DIP2B: variants seen among roughly 807,000 people sequenced by gnomAD.
DIP2B encodes DIP2 acetate--CoA ligase B (putative).
A neutral mutation model predicts 198.0 loss-of-function variants in DIP2B; 76 were observed. The ratio of observed to expected loss-of-function variants is 0.38; its 90% CI spans 0.32 to 0.46. The LOEUF (loss-of-function observed/expected upper bound fraction) is 0.46, where lower values mean the gene tolerates loss of function less well. DIP2B is among the 20% of genes least tolerant of loss of function. The pLI is 0.99. For missense variants in DIP2B, 1,559 were observed against 1,978.4 expected (o/e 0.79, Z 4.02); for synonymous variants, 701 against 739.1 (o/e 0.95, Z 0.84).
intron 3 of DIP2B, among the ~76,000 whole-genome samples, chr12:50,653,564 C>T (rs1938500454): frequency 6.6e-6 from 1 of 151,100 alleles, no homozygotes; most frequent in Non-Finnish European, 1.5e-5. Context: ...CTGGTCTCGA[C>T]CTCCTAGGCT....
intron 19 of DIP2B, 91 bp downstream of exon 19, chr12:50,699,293 C>T (rs1484921267): frequency 6.5e-7 from 1 of 1,549,962 alleles, no homozygotes; most frequent in Non-Finnish European, 8.7e-7. Flanking sequence ...CATAGCATAA[C>T]ATGTGGTTGA....
chr12:50,589,782 T>C (rs10747586), intron 1 of DIP2B, among the ~76,000 whole-genome samples: 110,712 of 151,836 alleles, frequency 0.73, 41,118 homozygotes, highest in East Asian at 1. Flanking sequence ...TTACTTAAAT[T>C]TTAAACAACT....
At chr12:50,681,892 G>A (rs775095296) in intron 9 of DIP2B, among the ~76,000 whole-genome samples, 2 of 152,160 alleles carry the variant, frequency 1.3e-5, no homozygotes, top group Non-Finnish European at 2.9e-5. Flanking sequence ...GGAAGGAAAT[G>A]GGTTGTTTAA....
intron 1 of DIP2B, among the ~76,000 whole-genome samples, chr12:50,526,932 G>A (rs1958171851): frequency 6.6e-6 from 1 of 151,930 alleles, no homozygotes; most frequent in Non-Finnish European, 1.5e-5. Flanking sequence ...CACTGCACCC[G>A]GCCTTTTTTC....
At chr12:50,586,665 C>T (rs926784543) in intron 1 of DIP2B, among the ~76,000 whole-genome samples, 3 of 151,212 alleles carry the variant, frequency 2.0e-5, no homozygotes, top group African/African-American at 4.9e-5. Flanking sequence ...CTCTGCCTCC[C>T]GGGTTCAAGC....
At chr12:50,626,088 A>T (rs1937928888) in intron 2 of DIP2B, 41 bp downstream of exon 2, 1 of 1,586,338 alleles carries the variant, frequency 6.3e-7, no homozygotes, top group Non-Finnish European at 8.7e-7. Flanking sequence ...CAGTATTTTT[A>T]CACCAAAAGA....
rs1593566872 is a variant in DIP2B at position 50,512,375 on chromosome 12, G to A, written c.100+7135G>A. Among the ~76,000 whole-genome samples, 3 of 152,072 alleles carry A rather than the reference G, an allele frequency of 2.0e-5. No individual in the cohort carries two copies. In the East Asian group the frequency reaches 5.8e-4, roughly 29 times the overall value. On this transcript the variant is annotated intron_variant, in intron 1 of 37. Transcript: ENST00000301180. The stretch of plus-strand genomic sequence containing the variant: ...GCCCGCATCGGCCTCCCAGAGTCCC[G>A]GGATTACAGGCTTGAGCCACTGCAC...
intron 1 of DIP2B, among the ~76,000 whole-genome samples, chr12:50,563,386 C>T (rs1396604083): frequency 6.6e-6 from 1 of 151,288 alleles, no homozygotes. Flanking sequence ...TGGATTTTGC[C>T]ATATTGCCCA....
chr12:50,666,751 G>A (rs1337808711), intron 4 of DIP2B, among the ~76,000 whole-genome samples: 1 of 152,196 alleles, frequency 6.6e-6, no homozygotes, highest in Non-Finnish European at 1.5e-5. Context: ...GCCGGGCGTG[G>A]TGGCTCACGC....
At chr12:50,720,471 G>A (rs554298507) in intron 25 of DIP2B, among the ~76,000 whole-genome samples, 1 of 151,318 alleles carries the variant, frequency 6.6e-6, no homozygotes, top group Non-Finnish European at 1.5e-5. Flanking sequence ...AACTTAATGA[G>A]AGGAATATGT....
In DIP2B at chr12:50,735,084, T is replaced by G; in HGVS notation, c.4055T>G (p.Val1352Gly). ...CCGTTCTTCTGCAGGGTTCGTCTCG[T>G]GGAACGTGGCGCCCCTCAGAGTTTG... ...KSLRHDRVRL[V>G]ERGAPQSLLL... Residue 1352 changes from valine (V) to glycine (G), a missense_variant, in exon 34 of 38, where the codon GTG becomes GGG. Physicochemically the swap from Val to Gly is moderately radical, Grantham distance 109 (BLOSUM62 -3). Coordinates refer to ENST00000301180, the MANE Select transcript of DIP2B (RefSeq NM_173602.3). 1 of 1,614,156 alleles carries G rather than the reference T, an allele frequency of 6.2e-7. No homozygotes were observed. Among genetic ancestry groups the G allele is most frequent in the Non-Finnish European group, 8.5e-7 (1 of 1,180,020 alleles).
At chr12:50,586,345 G>A (rs1958770468) in intron 1 of DIP2B, among the ~76,000 whole-genome samples, 1 of 152,144 alleles carries the variant, frequency 6.6e-6, no homozygotes, top group Non-Finnish European at 1.5e-5. Flanking sequence ...GGCAGGTCCA[G>A]GCAGATGACA....
chr12:50,686,702 A>G lies in DIP2B; in HGVS notation c.1551+20A>G, dbSNP rs202158548. ...ATTGAGGTAAGTCCTAAGATGTAAA[A>G]TATGCTTTCAGGCTTTTCCTTGGGC... On this transcript the variant is annotated intron_variant, in intron 12 of 37. Transcript: ENST00000301180. The G allele has an allele frequency of 3.7e-6, 6 of 1,604,778 alleles. No individual in the cohort carries two copies. The East Asian group carries it at 1.3e-4, about 36-fold the overall frequency.
At position 50,748,430 on chromosome 12, in the gene DIP2B, T is replaced by TA. The variant is rs1449787939; in HGVS notation, c.*3592dup. 2 of 152,664 alleles carry TA rather than the reference T, an allele frequency of 1.3e-5. No homozygotes were observed. Among genetic ancestry groups the TA allele is most frequent in the Non-Finnish European group, 2.9e-5 (2 of 68,042 alleles). The allele number at this position is 152,664 out of a possible 1,614,324, so 9.5% of individuals were successfully genotyped here. On this transcript the variant is annotated 3_prime_UTR_variant, in exon 38 of 38. Coordinates refer to ENST00000301180, the MANE Select transcript of DIP2B (RefSeq NM_173602.3). ...CTTGTCCAGAGGAAGAGACTAAAGA[T>TA]ATAAGAATAATTTTTTAGTCCTAAA...
intron 1 of DIP2B, among the ~76,000 whole-genome samples, chr12:50,593,013 A>G (rs1490497998): frequency 1.3e-5 from 2 of 151,506 alleles, no homozygotes; most frequent in South Asian, 2.1e-4. Flanking sequence ...CATTAGACCT[A>G]TTCTCCGTAC....
chr12:50,739,322 A>C, intron 35 of DIP2B, 87 bp from the exon 36 acceptor site: 2 of 1,460,938 alleles, frequency 1.4e-6, no homozygotes, highest in East Asian at 4.6e-5. Context: ...TAAAAATGAG[A>C]TTTAAAAAAT....
intron 1 of DIP2B, among the ~76,000 whole-genome samples, chr12:50,555,186 T>C (rs966548755): frequency 4.6e-5 from 7 of 152,220 alleles, no homozygotes; most frequent in African/African-American, 1.7e-4. Flanking sequence ...TGCAGTCTTC[T>C]GTAGGGTGAG....
At chr12:50,505,386 C>T (rs1293334266) in intron 1 of DIP2B, 146 bp downstream of exon 1, 4 of 588,466 alleles carry the variant, frequency 6.8e-6, no homozygotes, top group African/African-American at 6.0e-5. Flanking sequence ...CGACCGTTTT[C>T]CCTCCTCTCC....
chr12:50,637,175 A>G (rs1232919039), intron 2 of DIP2B, among the ~76,000 whole-genome samples: 1 of 152,136 alleles, frequency 6.6e-6, no homozygotes, highest in East Asian at 1.9e-4. Flanking sequence ...TGCTTCATTA[A>G]TAGTATCTAT....
Sources: gnomAD v4.1 joint callset for allele counts (sites outside exome capture counted in the v4.1 genomes callset) on GRCh38, gnomAD v4.1.1 for gene constraint, MANE v1.5 for transcripts, NCBI Gene and HGNC (gene_info 2026-07-23, HGNC 2026-07-21) for gene names.